The following DNAH17 variants were observed in gnomAD, a reference collection of about 807,000 sequenced individuals.
The protein encoded by DNAH17 is axonemal beta dynein heavy chain 17.
DNAH17 carries 376 observed loss-of-function variants against 485.6 expected under a neutral mutation model. The ratio of observed to expected loss-of-function variants is 0.77; its 90% CI spans 0.71 to 0.84. The LOEUF is 0.84. Among genes scored for constraint, DNAH17 ranks in the 40% least tolerant of loss-of-function variants. The probability of loss-of-function intolerance (pLI) is 0.00; values close to 1 mark genes in which losing one functional copy is unlikely to be tolerated. For synonymous variants in DNAH17, 3,031 were observed against 2,405.9 expected (o/e 1.26, Z -7.60); for missense variants, 6,370 against 5,839.3 (o/e 1.09, Z -2.96).
Position 78,463,095 on chromosome 17 carries a change from C to G in DNAH17, c.8941-18G>C. On this transcript the variant is annotated intron_variant, in intron 56 of 80. Transcript: ENST00000389840. ...ACTTCCCACTACAAAGATGAGACAG[C>G]CAGTCATCCCTGGGACCCCATCCTG... 7 of 1,609,154 alleles carry G rather than the reference C, an allele frequency of 4.4e-6. No homozygotes were observed. The highest frequency in any genetic ancestry group is 1.1e-5 in the South Asian group (1 of 90,620).
intron 29 of DNAH17, 36 bp downstream of exon 29, chr17:78,507,242 A>G: frequency 6.2e-7 from 1 of 1,607,458 alleles, no homozygotes; most frequent in Non-Finnish European, 8.5e-7. Flanking sequence ...AATCTGCACC[A>G]CTGACTCCCC....
At chr17:78,424,259 C>T (rs2086292586) in intron 80 of DNAH17, 106 bp from the exon 81 acceptor site, 2 of 1,403,654 alleles carry the variant, frequency 1.4e-6, no homozygotes. Context: ...CAGAGCTGGG[C>T]TCTACCCCAA....
At chr17:78,487,766 C>T (rs1164539382) in intron 44 of DNAH17, among the ~76,000 whole-genome samples, 1 of 152,148 alleles carries the variant, frequency 6.6e-6, no homozygotes, top group Non-Finnish European at 1.5e-5. Flanking sequence ...CTTAGATGAT[C>T]TGCCCGCCTC....
chr17:78,547,676 G>T (rs974217092), intron 16 of DNAH17, among the ~76,000 whole-genome samples: 25 of 149,162 alleles, frequency 1.7e-4, no homozygotes, highest in African/African-American at 6.2e-4. Context: ...GGAGTGCAGT[G>T]GTGTGACCTC....
At chr17:78,428,465 C>T (rs1387296640) in intron 77 of DNAH17, 60 bp downstream of exon 77, 2 of 1,543,468 alleles carry the variant, frequency 1.3e-6, no homozygotes, top group African/African-American at 2.7e-5. Context: ...CCTGTGACCC[C>T]CTCCTCAGTT....
intron 3 of DNAH17, among the ~76,000 whole-genome samples, chr17:78,572,135 TGGA>T (rs1383325618): frequency 2.0e-5 from 3 of 152,086 alleles, no homozygotes; most frequent in African/African-American, 7.2e-5. Context: ...GAATGATCAG[TGGA>T]GGACTTGCCC....
In DNAH17 at chr17:78,451,649, C is replaced by T. The variant is rs149660813; in HGVS notation, c.10554G>A (p.Glu3518=). 28 of 1,582,184 alleles carry T rather than the reference C, an allele frequency of 1.8e-5. No individual in the cohort carries two copies. Among genetic ancestry groups the T allele is most frequent in the Non-Finnish European group, 2.4e-5 (28 of 1,164,254 alleles). ...KGKYIKIGDK[E]VEYHPKFRLI... is the part of the protein sequence containing the mutation. The stretch of plus-strand genomic sequence containing the variant: ...GGCGGAACTTGGGGTGGTACTCCAC[C>T]TCCTTGTCACCGATCTTAATGTACC... The change falls in exon 66 of 81, where the codon GAG becomes GAA. Residue 3518 remains glutamate (E), a synonymous_variant. Transcript: ENST00000389840.
rs962256955 is a variant in DNAH17, at chr17:78,459,643, G to T, written c.9653+141C>A. 4.3e-5 allele frequency: 37 copies of T among 866,196 alleles called. No homozygotes were observed. In the African/African-American group the frequency reaches 5.9e-4, roughly 14 times the overall value. The allele number at this position is 866,196 out of a possible 1,614,324, so 53.7% of individuals were successfully genotyped here. On this transcript the variant is annotated intron_variant, in intron 60 of 80. Transcript: ENST00000389840. ...CTGAGCTTGTCAGCTGTGTTCTTGG[G>T]GTGCTGTATGGGGAAGGGGCTGCCT...
At chr17:78,570,856 C>CAAAAAAAAAAAAAAAAAAAAAAAAAAAA (rs60897530) in intron 6 of DNAH17, 92 bp downstream of exon 6, 9 of 292,150 alleles carry the variant, frequency 3.1e-5, no homozygotes, top group African/African-American at 8.9e-5. Context: ...GACTCCCTCT[C>CAAAAAAAAAAAAAAAAAAAAAAAAAAAA]AAAAAAAAAA....
chr17:78,559,682 G>A (rs542726187), intron 13 of DNAH17, among the ~76,000 whole-genome samples: 5 of 152,122 alleles, frequency 3.3e-5, no homozygotes, highest in African/African-American at 9.7e-5. Context: ...AAATCTAATC[G>A]CAGCACACCT....
intron 19 of DNAH17, among the ~76,000 whole-genome samples, chr17:78,534,606 G>A (rs965000050): frequency 1.3e-5 from 2 of 152,188 alleles, no homozygotes; most frequent in African/African-American, 4.8e-5. Flanking sequence ...AGGTGCTTCT[G>A]GATTTCAGTG....
At position 78,499,071 on chromosome 17, in the gene DNAH17, G is replaced by A. The variant is rs753644049; in HGVS notation, c.5682C>T (p.Ala1894=). ...NIYKGLAQTG[A]WGCFDEFNRI... is the part of the protein sequence containing the mutation. ...GATTAAACTCGTCAAAGCAGCCCCAGGCTCCCGTCTGGGCCAGGCCCTTGT... is the reference window on the plus strand; with the variant it reads ...GATTAAACTCGTCAAAGCAGCCCCAAGCTCCCGTCTGGGCCAGGCCCTTGT... Residue 1894 remains alanine (A), a synonymous_variant, in exon 37 of 81, where the codon GCC becomes GCT. Transcript: ENST00000389840. 1.2e-6 allele frequency: 2 copies of A among 1,609,298 alleles called. No individual in the cohort carries two copies. The highest frequency in any genetic ancestry group is 1.7e-5 in the Admixed American group (1 of 59,416).
At chr17:78,551,453 T>C (rs2091899577) in intron 16 of DNAH17, 82 bp downstream of exon 16, 4 of 1,291,334 alleles carry the variant, frequency 3.1e-6, no homozygotes, top group Admixed American at 1.8e-5. Flanking sequence ...GCACTTTCCA[T>C]GGGCCTCTAC....
rs369572884 is a variant in DNAH17 at position 78,507,481 on chromosome 17, C to T, written c.4561G>A (p.Asp1521Asn). Reference protein sequence around the residue: ...TQLPGDSQRFDDINQEFKALM... With the variant: ...TQLPGDSQRFNDINQEFKALM... ...ACCTTGAATTCCTGGTTGATGTCGT[C>T]AAAGCGCTGGGAGTCCCCCGGGAGC... The change falls in exon 28 of 81, where the codon GAC becomes AAC. Residue 1521 changes from aspartate to asparagine, a missense_variant. Asp to Asn is a conservative substitution (Grantham distance 23, BLOSUM62 1). Transcript: ENST00000389840. 1.9e-6 allele frequency: 3 copies of T among 1,612,550 alleles called. No homozygotes were observed. In the African/African-American group the frequency reaches 4.0e-5, roughly 22 times the overall value.
intron 50 of DNAH17, 74 bp from the exon 51 acceptor site, chr17:78,479,190 A>C: frequency 1.4e-6 from 2 of 1,451,208 alleles, no homozygotes; most frequent in Non-Finnish European, 1.9e-6. Context: ...TCAAGTTTCT[A>C]AAGCCAATGG....
In DNAH17 at chr17:78,505,381, C is replaced by A; in HGVS notation, c.4868G>T (p.Ser1623Ile). The A allele has an allele frequency of 1.2e-6, 2 of 1,614,016 alleles. No individual in the cohort carries two copies. Among genetic ancestry groups the A allele is most frequent in the Middle Eastern group, 1.6e-4 (1 of 6,062 alleles). ...CAGGCCCACCTTGAGAGGTTTGTCA[C>A]TGGCATCGAGCCGGAACTTCAGTTT... ...LCKLKFRLDA[S>I]DKPLKVGLGM... Residue 1623 changes from serine to isoleucine, a missense_variant, in exon 31 of 81, where the codon AGT (serine) becomes ATT (isoleucine). Coordinates refer to ENST00000389840, the MANE Select transcript of DNAH17 (RefSeq NM_173628.4).
intron 13 of DNAH17, 142 bp from the exon 14 acceptor site, chr17:78,558,396 G>A (rs2092074627): frequency 9.7e-7 from 1 of 1,035,334 alleles, no homozygotes; most frequent in South Asian, 1.7e-5. Context: ...AGTATTTGTT[G>A]GCAGGACCAG....
chr17:78,499,345 C>G (rs2090189897), intron 36 of DNAH17: 2 of 375,760 alleles, frequency 5.3e-6, no homozygotes, highest in Admixed American at 9.1e-5. Flanking sequence ...CCTCCCAGAC[C>G]CCAGGATGGG....
chr17:78,436,628 G>A (rs2086857506), intron 74 of DNAH17, among the ~76,000 whole-genome samples: 3 of 152,196 alleles, frequency 2.0e-5, no homozygotes, highest in Middle Eastern at 6.8e-3. Context: ...TGGATCACCT[G>A]AGGTCAGGAG....
Sources: allele counts gnomAD v4.1 joint callset (sites outside exome capture counted in the v4.1 genomes callset), GRCh38; gene constraint gnomAD v4.1.1; transcripts MANE v1.5; gene names NCBI Gene and HGNC (gene_info 2026-07-23, HGNC 2026-07-21).